The following PRKCA variants were observed in gnomAD, a reference collection of about 807,000 sequenced individuals.
PRKCA encodes the protein protein kinase C alpha type.
Under a neutral mutation model 87.0 loss-of-function variants are expected in PRKCA, and 27 were observed. The observed-to-expected ratio is 0.31, with a 90% CI of 0.23 to 0.43. The LOEUF (loss-of-function observed/expected upper bound fraction) is 0.43, where lower values mean the gene tolerates loss of function less well. Ranked by LOEUF, PRKCA falls within the 20% of genes least tolerant of loss-of-function variation. The pLI, the probability that PRKCA is intolerant of heterozygous loss-of-function variation, is 1.00. For missense variants in PRKCA, 518 were observed against 852.3 expected (o/e 0.61, Z 4.88); for synonymous variants, 329 against 311.1 (o/e 1.06, Z -0.61).
intron 8 of PRKCA, among the ~76,000 whole-genome samples, chr17:66,716,304 G>A (rs78314366): frequency 0.1 from 15,230 of 152,184 alleles, 896 homozygotes; most frequent in East Asian, 0.17. Flanking sequence ...TAATTCCAAA[G>A]GGGAGCATTC....
chr17:66,484,174 A>G (rs928066787), intron 2 of PRKCA, among the ~76,000 whole-genome samples: 1 of 152,160 alleles, frequency 6.6e-6, no homozygotes, highest in Non-Finnish European at 1.5e-5. Context: ...TACGACGAGA[A>G]CAGTATGGGG....
intron 3 of PRKCA, among the ~76,000 whole-genome samples, chr17:66,546,561 T>C (rs894665079): frequency 1.3e-5 from 2 of 152,218 alleles, no homozygotes; most frequent in Non-Finnish European, 2.9e-5. Context: ...CGCCTCTGTG[T>C]TCACATGGCC....
Position 66,804,667 on chromosome 17 carries a change from C to T in PRKCA, c.*630C>T, listed in dbSNP as rs1419452287. 1 of 152,766 alleles carries T rather than the reference C, an allele frequency of 6.5e-6. No homozygotes were observed. The highest frequency in any genetic ancestry group is 1.5e-5 in the Non-Finnish European group (1 of 68,136). 9.5% of individuals were successfully genotyped at this position (152,766 alleles called of 1,614,324 possible). On this transcript the variant is annotated 3_prime_UTR_variant, in exon 17 of 17. Coordinates refer to ENST00000413366, the MANE Select transcript of PRKCA (RefSeq NM_002737.3). ...GTTACCAGTTTAAACAAAAAAACCTCAGATGAGTGTTGGGTGAATCTGTCA... is the reference window on the plus strand; with the variant it reads ...GTTACCAGTTTAAACAAAAAAACCTTAGATGAGTGTTGGGTGAATCTGTCA...
intron 2 of PRKCA, among the ~76,000 whole-genome samples, chr17:66,337,680 C>G (rs1906788020): frequency 1.3e-5 from 2 of 152,132 alleles, no homozygotes; most frequent in South Asian, 4.1e-4. Context: ...GCCACTGTAC[C>G]CAGCATGGAT....
intron 2 of PRKCA, among the ~76,000 whole-genome samples, chr17:66,314,163 A>C (rs1249408608): frequency 6.6e-6 from 1 of 152,190 alleles, no homozygotes; most frequent in Non-Finnish European, 1.5e-5. Flanking sequence ...TTTGGTATGA[A>C]TGAAGCCCGG....
chr17:66,716,487 A>T (rs1973476456), intron 8 of PRKCA, among the ~76,000 whole-genome samples: 2 of 152,108 alleles, frequency 1.3e-5, no homozygotes, highest in African/African-American at 4.8e-5. Flanking sequence ...CAGATGGAAA[A>T]ACTTAAGGTC....
rs1302572064 is a variant in PRKCA at position 66,791,248 on chromosome 17, A to AGGCAGAAATT, written c.1854+2271_1854+2280dup. Among the ~76,000 whole-genome samples the AGGCAGAAATT allele has an allele frequency of 7.4e-4, 112 of 151,566 alleles. 3 individuals are homozygous for AGGCAGAAATT. The highest frequency in any genetic ancestry group is 2.5e-3 in the African/African-American group (105 of 41,286). ...AAATAGCCCCTGAACTCACAAACGG[A>AGGCAGAAATT]GGCAGAAATTGTCGACCCAGGCCCT... On this transcript the variant is annotated intron_variant, in intron 16 of 16. Coordinates refer to ENST00000413366, the MANE Select transcript of PRKCA (RefSeq NM_002737.3).
chr17:66,606,848 A>G (rs1272237855), intron 3 of PRKCA, among the ~76,000 whole-genome samples: 1 of 152,078 alleles, frequency 6.6e-6, no homozygotes, highest in African/African-American at 2.4e-5. Context: ...GCAAATTATG[A>G]CTCATTTATG....
chr17:66,765,506 A>T (rs1381119810), intron 13 of PRKCA, among the ~76,000 whole-genome samples: 13 of 142,840 alleles, frequency 9.1e-5, no homozygotes, highest in African/African-American at 3.1e-4. Flanking sequence ...TTATATATAT[A>T]TGTCTTTATA....
At chr17:66,546,525 G>T (rs898746148) in intron 3 of PRKCA, among the ~76,000 whole-genome samples, 2 of 152,132 alleles carry the variant, frequency 1.3e-5, no homozygotes, top group African/African-American at 2.4e-5. Context: ...ATGTTCATTG[G>T]CTTGTGGCTG....
At chr17:66,707,328 AAG>A (rs1205110913) in intron 8 of PRKCA, among the ~76,000 whole-genome samples, 2 of 152,306 alleles carry the variant, frequency 1.3e-5, no homozygotes, top group Admixed American at 1.3e-4. Flanking sequence ...ATTCCAGAGT[AAG>A]AACCTCAGGC....
At chr17:66,442,396 G>A (rs2143880630) in intron 2 of PRKCA, among the ~76,000 whole-genome samples, 1 of 151,948 alleles carries the variant, frequency 6.6e-6, no homozygotes, top group African/African-American at 2.4e-5. Context: ...TCCTCACCTG[G>A]CCTCCCTGTA....
intron 2 of PRKCA, among the ~76,000 whole-genome samples, chr17:66,440,852 C>T (rs1913700490): frequency 6.6e-6 from 1 of 151,852 alleles, no homozygotes; most frequent in African/African-American, 2.4e-5. Flanking sequence ...ACCGTAAGAC[C>T]CCATCTCAAT....
intron 5 of PRKCA, among the ~76,000 whole-genome samples, chr17:66,650,669 G>T (rs927248976): frequency 6.6e-6 from 1 of 151,956 alleles, no homozygotes; most frequent in South Asian, 2.1e-4. Flanking sequence ...CAGCTCTTAC[G>T]GCCCAGAGAC....
chr17:66,472,217 A>C (rs1466737732), intron 2 of PRKCA, among the ~76,000 whole-genome samples: 1 of 152,178 alleles, frequency 6.6e-6, no homozygotes. Context: ...CTGGGATTAC[A>C]GGCGTGGACC....
intron 2 of PRKCA, among the ~76,000 whole-genome samples, chr17:66,450,461 G>T (rs1279861925): frequency 2.6e-5 from 4 of 152,170 alleles, no homozygotes; most frequent in African/African-American, 9.7e-5. Flanking sequence ...CCTGAAGACG[G>T]CCATGTCCCA....
chr17:66,380,001 A>G (rs1909691811), intron 2 of PRKCA, among the ~76,000 whole-genome samples: 1 of 152,160 alleles, frequency 6.6e-6, no homozygotes, highest in South Asian at 2.1e-4. Context: ...TGTCCTGTCA[A>G]TTACTAGTCA....
intron 2 of PRKCA, among the ~76,000 whole-genome samples, chr17:66,409,033 C>CAAAAAAAAAAAAAAAAA (rs10661202): frequency 1.3e-5 from 1 of 76,988 alleles, no homozygotes; most frequent in African/African-American, 5.3e-5. Flanking sequence ...TCCCCAGTCT[C>CAAAAAAAAAAAAAAAAA]AAAAAAAAAA....
chr17:66,488,546 A>G (rs961513498), intron 2 of PRKCA, among the ~76,000 whole-genome samples: 5 of 152,258 alleles, frequency 3.3e-5, no homozygotes, highest in African/African-American at 1.2e-4. Flanking sequence ...CCCACATTCA[A>G]TCTCAGCCCT....
Sources: gnomAD v4.1 joint callset for allele counts (sites outside exome capture counted in the v4.1 genomes callset) on GRCh38, gnomAD v4.1.1 for gene constraint, MANE v1.5 for transcripts, NCBI Gene and HGNC (gene_info 2026-07-23, HGNC 2026-07-21) for gene names.